FOXI3: variants seen among roughly 807,000 people sequenced by gnomAD.
FOXI3 encodes forkhead box protein I3.
A neutral mutation model predicts 15.6 loss-of-function variants in FOXI3; 4 were observed. That is an observed-to-expected ratio of 0.26 (90% CI 0.13 to 0.59). The LOEUF (loss-of-function observed/expected upper bound fraction) is 0.59. Ranked by LOEUF, FOXI3 falls within the 20% of genes least tolerant of loss-of-function variation. FOXI3 has a pLI of 0.90. For synonymous variants in FOXI3, 238 were observed against 244.4 expected (o/e 0.97, Z 0.25); for missense variants, 489 against 548.2 (o/e 0.89, Z 1.08).
Position 88,448,594 on chromosome 2 carries a change from C to T in FOXI3, c.876G>A (p.Glu292=), listed in dbSNP as rs1558610751. The T allele has an allele frequency of 1.9e-6, 3 of 1,551,584 alleles. No homozygotes were observed. The highest frequency in any genetic ancestry group is 2.6e-6 in the Non-Finnish European group (3 of 1,146,992). ...LRPSHSPEPP[E]GTKSTASSPG... is the part of the protein sequence containing the mutation. Reference sequence around the variant, plus strand: ...GAGATGAGGCAGTACTCTTGGTGCCCTCCGGAGGCTCTGGGGAGTGGGAAG... The same window carrying T: ...GAGATGAGGCAGTACTCTTGGTGCCTTCCGGAGGCTCTGGGGAGTGGGAAG... The change falls in exon 2 of 2, where the codon GAG becomes GAA. Residue 292 remains glutamate, a synonymous_variant. Coordinates refer to ENST00000428390, the MANE Select transcript of FOXI3 (RefSeq NM_001135649.3).
At chr2:88,449,483 T>C (rs1216677281) in intron 1 of FOXI3, among the ~76,000 whole-genome samples, 1 of 152,220 alleles carries the variant, frequency 6.6e-6, no homozygotes, top group Non-Finnish European at 1.5e-5. Flanking sequence ...GTTTTAACCA[T>C]GCATTGGATG....
At chr2:88,451,645 T>C (rs1227323018) in intron 1 of FOXI3, among the ~76,000 whole-genome samples, 1 of 152,224 alleles carries the variant, frequency 6.6e-6, no homozygotes, top group Non-Finnish European at 1.5e-5. Context: ...TTTTCGTTTC[T>C]CTAATTGGCC....
chr2:88,448,062 G>T lies in FOXI3; in HGVS notation c.*145C>A. 1.4e-6 allele frequency: 1 copy of T among 701,538 alleles called. No individual in the cohort carries two copies. Among genetic ancestry groups the T allele is most frequent in the Non-Finnish European group, 2.3e-6 (1 of 426,440 alleles). The allele number at this position is 701,538 out of a possible 1,614,324, so 43.5% of individuals were successfully genotyped here. A position where few individuals can be genotyped will look rare whatever the true frequency, so the allele number is the denominator to read the frequency against. On this transcript the variant is annotated 3_prime_UTR_variant, in exon 2 of 2. Coordinates refer to ENST00000428390, the MANE Select transcript of FOXI3 (RefSeq NM_001135649.3). ...CTACTACACCCTCATTACTCCAAGT[G>T]TGGTCAAAGGACCACGAGATCACCC...
chr2:88,448,344 T>C lies in FOXI3; in HGVS notation c.1126A>G (p.Thr376Ala). Residue 376 changes from threonine to alanine, a missense_variant, in exon 2 of 2, where the codon ACC (threonine) becomes GCC (alanine). Thr to Ala is a moderately conservative substitution (Grantham distance 58). Around this residue, in one of 3 missense-constraint regions of FOXI3, gnomAD observed 263 missense variants for 285.5 expected, o/e 0.92. Transcript: ENST00000428390. ...LQLSNSTSNS[T>A]GQRSSYYSPF... is the part of the protein sequence containing the mutation. ...CTGTAATAGGAAGATCTCTGGCCGGTGCTATTGCTGGTGCTATTGCTCAGT... is the reference window on the plus strand; with the variant it reads ...CTGTAATAGGAAGATCTCTGGCCGGCGCTATTGCTGGTGCTATTGCTCAGT... The C allele has an allele frequency of 6.4e-7, 1 of 1,551,596 alleles. No individual in the cohort carries two copies. Among genetic ancestry groups the C allele is most frequent in the Non-Finnish European group, 8.7e-7 (1 of 1,146,968 alleles).
At chr2:88,451,856 C>T in intron 1 of FOXI3, 40 bp downstream of exon 1, 1 of 1,592,472 alleles carries the variant, frequency 6.3e-7, no homozygotes, top group Non-Finnish European at 8.5e-7. Context: ...GACCCGCGTC[C>T]GCCCTCCCCG....
chr2:88,451,847 AC>A (rs1018733557), intron 1 of FOXI3, 48 bp downstream of exon 1: 1 of 1,579,326 alleles, frequency 6.3e-7, no homozygotes, highest in African/African-American at 1.4e-5. Context: ...GGCCCTTGCG[AC>A]CCGCGTCCGC....
In FOXI3 at chr2:88,452,130, T is replaced by C; in HGVS notation, c.406A>G (p.Ser136Gly). 6.5e-7 allele frequency: 1 copy of C among 1,547,308 alleles called. No homozygotes were observed. The highest frequency in any genetic ancestry group is 8.7e-7 in the Non-Finnish European group (1 of 1,145,430). ...PGELGWLSMA[S>G]REDLMKMVRP... ...ACCATCTTCATCAGGTCCTCGCGGC[T>C]GGCCATGGACAGCCAGCCCAGCTCC... The change falls in exon 1 of 2, where the codon AGC (serine) becomes GGC (glycine). Residue 136 changes from serine to glycine, a missense_variant. By Grantham distance (56) the Ser-to-Gly change is moderately conservative. Around this residue, in one of 3 missense-constraint regions of FOXI3, gnomAD observed 224 missense variants for 245.7 expected, o/e 0.91. Coordinates refer to ENST00000428390, the MANE Select transcript of FOXI3 (RefSeq NM_001135649.3).
Position 88,447,998 on chromosome 2 carries a change from G to A in FOXI3, c.*209C>T. 3 of 586,260 alleles carry A rather than the reference G, an allele frequency of 5.1e-6. No homozygotes were observed. The highest frequency in any genetic ancestry group is 9.1e-6 in the Non-Finnish European group (3 of 330,732). The allele number at this position is 586,260 out of a possible 1,614,324, so 36.3% of individuals were successfully genotyped here. A position where few individuals can be genotyped will look rare whatever the true frequency, so the allele number is the denominator to read the frequency against. Reference sequence around the variant, plus strand: ...CTCTCTGGAGAGGCCCACATGCAGAGAAACCTGTAAAAGCTCGCTGGGTTG... The same window carrying A: ...CTCTCTGGAGAGGCCCACATGCAGAAAAACCTGTAAAAGCTCGCTGGGTTG... On this transcript the variant is annotated 3_prime_UTR_variant, in exon 2 of 2. Transcript: ENST00000428390.
chr2:88,452,198 G>A lies in FOXI3; in HGVS notation c.338C>T (p.Ala113Val), dbSNP rs1429248333. Residue 113 changes from alanine (A) to valine (V), a missense_variant, in exon 1 of 2, where the codon GCG (alanine) becomes GTG (valine). Physicochemically the swap from Ala to Val is moderately conservative, Grantham distance 64. Transcript: ENST00000428390. ...GGCGGGCGAGGCGGGCGCGGCGGGC[G>A]CGGGCTGCGCGAAGGGCCGCTGAGA... ...GCSQRPFAQP[A>V]PAAPASPAAP... is the part of the protein sequence containing the mutation. 4.3e-5 allele frequency: 52 copies of A among 1,197,856 alleles called. No homozygotes were observed. The highest frequency in any genetic ancestry group is 4.9e-5 in the Non-Finnish European group (48 of 970,192). The allele number at this position is 1,197,856 out of a possible 1,614,324, so 74.2% of individuals were successfully genotyped here.
intron 1 of FOXI3, 61 bp downstream of exon 1, chr2:88,451,835 C>T (rs1573327007): frequency 1.3e-6 from 2 of 1,565,034 alleles, no homozygotes; most frequent in Non-Finnish European, 1.7e-6. Flanking sequence ...GACCCCTGCG[C>T]CGGCCCTTGC....
At chr2:88,450,400 G>T (rs1222544609) in intron 1 of FOXI3, among the ~76,000 whole-genome samples, 2 of 150,980 alleles carry the variant, frequency 1.3e-5, no homozygotes, top group African/African-American at 4.9e-5. Context: ...ACTCTAGCCT[G>T]GGCGACAGGA....
In FOXI3 at chr2:88,448,517, C is replaced by T; in HGVS notation, c.953G>A (p.Ser318Asn). ...STPCLNTFFS[S>N]LSSLSVSSSV... ...GCTGCTGACACTCAAGGAGCTGAGG[C>T]TGCTGAAGAAAGTGTTGAGACAAGG... The change falls in exon 2 of 2, where the codon AGC (serine) becomes AAC (asparagine). Residue 318 changes from serine (S) to asparagine (N), a missense_variant. This residue lies in a region of FOXI3 where 263 missense variants were observed against 285.5 expected (regional missense o/e 0.92). Coordinates refer to ENST00000428390, the MANE Select transcript of FOXI3 (RefSeq NM_001135649.3). 2 of 1,551,686 alleles carry T rather than the reference C, an allele frequency of 1.3e-6. No individual in the cohort carries two copies. Among genetic ancestry groups the T allele is most frequent in the Non-Finnish European group, 1.7e-6 (2 of 1,147,000 alleles).
In FOXI3 at chr2:88,448,726, GGAGCCATTGCTGGCCTCA is replaced by G; in HGVS notation, c.726_743del (p.Glu243_Ser248del). The G allele has an allele frequency of 6.4e-7, 1 of 1,552,016 alleles. No homozygotes were observed. The highest frequency in any genetic ancestry group is 1.2e-5 in the South Asian group (1 of 84,064). On this transcript the variant is annotated inframe_deletion, in exon 2 of 2. Coordinates refer to ENST00000428390, the MANE Select transcript of FOXI3 (RefSeq NM_001135649.3). ...ACTTTGATGTCCCAGCAGCCACTGT[GGAGCCATTGCTGGCCTCA>G]GAGCGGCGCTTTCGCTTCCGACGGA...
At chr2:88,449,042 C>T (rs973435104) in intron 1 of FOXI3, among the ~76,000 whole-genome samples, 4 of 152,160 alleles carry the variant, frequency 2.6e-5, no homozygotes, top group Non-Finnish European at 5.9e-5. Context: ...TTTACCTCCT[C>T]CTGGTGGTGT....
chr2:88,448,875 C>T lies in FOXI3; in HGVS notation c.641-46G>A, dbSNP rs1390261720. The T allele has an allele frequency of 2.0e-6, 3 of 1,496,994 alleles. No individual in the cohort carries two copies. The Admixed American group carries it at 6.8e-5, about 34-fold the overall frequency. 92.7% of individuals were successfully genotyped at this position (1,496,994 alleles called of 1,614,324 possible). On this transcript the variant is annotated intron_variant, in intron 1 of 1. Coordinates refer to ENST00000428390, the MANE Select transcript of FOXI3 (RefSeq NM_001135649.3). Reference sequence around the variant, plus strand: ...AAGTTAGAGAAGGACCTATTCAATGCCTGTGTACTCAGCTTCATTTCTGGG... The same window carrying T: ...AAGTTAGAGAAGGACCTATTCAATGTCTGTGTACTCAGCTTCATTTCTGGG...
Position 88,452,406 on chromosome 2 carries a change from C to G in FOXI3, c.130G>C (p.Ala44Pro). ...RAPYGLADYA[A>P]PPAAAANPYL... Reference sequence around the variant, plus strand: ...GGGTTGGCGGCGGCGGCCGGCGGCGCGGCGTAGTCGGCCAGCCCGTAAGGC... The same window carrying G: ...GGGTTGGCGGCGGCGGCCGGCGGCGGGGCGTAGTCGGCCAGCCCGTAAGGC... Residue 44 changes from alanine to proline, a missense_variant, in exon 1 of 2, where the codon GCG becomes CCG. This residue lies in a region of FOXI3 where 224 missense variants were observed against 245.7 expected (regional missense o/e 0.91). Coordinates refer to ENST00000428390, the MANE Select transcript of FOXI3 (RefSeq NM_001135649.3). 1 of 998,592 alleles carries G rather than the reference C, an allele frequency of 1.0e-6. No homozygotes were observed. The highest frequency in any genetic ancestry group is 1.2e-6 in the Non-Finnish European group (1 of 840,702). 61.9% of individuals were successfully genotyped at this position (998,592 alleles called of 1,614,324 possible).
intron 1 of FOXI3, among the ~76,000 whole-genome samples, chr2:88,451,387 G>T (rs570979828): frequency 3.9e-5 from 6 of 152,256 alleles, no homozygotes; most frequent in African/African-American, 1.4e-4. Flanking sequence ...GGTAGGCATC[G>T]TACTTGCTCT....
Position 88,448,426 on chromosome 2 carries a change from G to A in FOXI3, c.1044C>T (p.Pro348=), listed in dbSNP as rs1675981878. Residue 348 remains proline (P), a synonymous_variant, in exon 2 of 2, where the codon CCC becomes CCT. Coordinates refer to ENST00000428390, the MANE Select transcript of FOXI3 (RefSeq NM_001135649.3). ...RHLGIQGAQL[P]SSGVFSPTSI... ...AGGTCGGGGAGAACACGCCGCTGGA[G>A]GGCAGCTGGGCCCCCTGGATCCCTA... 8 of 1,551,576 alleles carry A rather than the reference G, an allele frequency of 5.2e-6. No individual in the cohort carries two copies. The highest frequency in any genetic ancestry group is 1.2e-5 in the South Asian group (1 of 84,062).
At chr2:88,451,864 C>A (rs953324246) in intron 1 of FOXI3, 32 bp downstream of exon 1, 1 of 1,601,376 alleles carries the variant, frequency 6.2e-7, no homozygotes, top group South Asian at 1.1e-5. Flanking sequence ...TCCGCCCTCC[C>A]CGGCTGGGAA....
Sources: allele counts gnomAD v4.1 joint callset (sites outside exome capture counted in the v4.1 genomes callset), GRCh38; gene constraint gnomAD v4.1.1; regional missense constraint gnomAD v4.1.1; transcripts MANE v1.5; gene names NCBI Gene and HGNC (gene_info 2026-07-23, HGNC 2026-07-21).